COG5: variants seen among roughly 807,000 people sequenced by gnomAD.
COG5 encodes component of oligomeric golgi complex 5.
COG5 carries 86 observed loss-of-function variants against 110.4 expected under a neutral mutation model. The observed-to-expected ratio is 0.78, with a 90% confidence interval of 0.65 to 0.93. The LOEUF (loss-of-function observed/expected upper bound fraction) is 0.93. COG5 is among the 40% of genes least tolerant of loss of function. The probability of loss-of-function intolerance (pLI) is 0.00; values close to 1 mark genes in which losing one functional copy is unlikely to be tolerated. For synonymous variants in COG5, 360 were observed against 334.6 expected (o/e 1.08, Z -0.83); for missense variants, 1,077 against 987.0 (o/e 1.09, Z -1.22).
chr7:107,235,486 C>T (rs1197683029), intron 18 of COG5, among the ~76,000 whole-genome samples: 2 of 152,222 alleles, frequency 1.3e-5, no homozygotes, highest in African/African-American at 4.8e-5. Flanking sequence ...GGGTGGATCA[C>T]AAGGTCAGGA....
intron 10 of COG5, among the ~76,000 whole-genome samples, chr7:107,339,755 T>C (rs1811022194): frequency 6.6e-6 from 1 of 152,038 alleles, no homozygotes; most frequent in South Asian, 2.1e-4. Flanking sequence ...TTAAACAACA[T>C]GTCTCTGAAT....
intron 6 of COG5, among the ~76,000 whole-genome samples, chr7:107,501,403 G>T (rs1014523689): frequency 1.1e-4 from 16 of 151,992 alleles, no homozygotes; most frequent in Non-Finnish European, 8.8e-5. Flanking sequence ...CCAGCAAGGG[G>T]TGATAGCAAG....
chr7:107,541,523 A>AAAAAAAAAATATAT (rs60423657), intron 5 of COG5, among the ~76,000 whole-genome samples: 27 of 57,006 alleles, frequency 4.7e-4, no homozygotes, highest in Middle Eastern at 0.011. Flanking sequence ...AAAAAAAAAA[A>AAAAAAAAAATATAT]ATATATATAT....
intron 6 of COG5, among the ~76,000 whole-genome samples, chr7:107,481,674 C>T (rs1002070069): frequency 6.6e-6 from 1 of 152,100 alleles, no homozygotes; most frequent in Non-Finnish European, 1.5e-5. Flanking sequence ...ATCAAATTTA[C>T]ATACTCTGTA....
intron 11 of COG5, among the ~76,000 whole-genome samples, chr7:107,300,881 C>T (rs1201618918): frequency 6.6e-6 from 1 of 152,004 alleles, no homozygotes; most frequent in African/African-American, 2.4e-5. Context: ...TGTTGGAGTA[C>T]TAATACAACC....
chr7:107,230,102 C>T (rs1016538202), intron 19 of COG5, among the ~76,000 whole-genome samples: 1 of 152,034 alleles, frequency 6.6e-6, no homozygotes, highest in African/African-American at 2.4e-5. Flanking sequence ...CCACCTGCCT[C>T]GGCCTCCCAA....
intron 5 of COG5, among the ~76,000 whole-genome samples, chr7:107,530,575 T>G (rs1216152682): frequency 8.7e-6 from 1 of 114,690 alleles, no homozygotes. Context: ...CACTCCAGCC[T>G]GGGCAACAAG....
intron 6 of COG5, among the ~76,000 whole-genome samples, chr7:107,484,281 G>A (rs1367393505): frequency 2.0e-5 from 3 of 152,008 alleles, no homozygotes; most frequent in African/African-American, 7.2e-5. Flanking sequence ...AGAGCAAACA[G>A]CATGAAAAGA....
intron 6 of COG5, among the ~76,000 whole-genome samples, chr7:107,497,677 T>C (rs1798365454): frequency 6.6e-6 from 1 of 152,180 alleles, no homozygotes; most frequent in Non-Finnish European, 1.5e-5. Flanking sequence ...CTAATGTTCA[T>C]AGATTAGACA....
intron 6 of COG5, among the ~76,000 whole-genome samples, chr7:107,523,965 C>T (rs1800539804): frequency 6.6e-6 from 1 of 152,072 alleles, no homozygotes. Context: ...GGATATGTTC[C>T]TACAAAGACT....
At chr7:107,494,096 T>C (rs1044570424) in intron 6 of COG5, among the ~76,000 whole-genome samples, 1 of 152,148 alleles carries the variant, frequency 6.6e-6, no homozygotes, top group Non-Finnish European at 1.5e-5. Flanking sequence ...AAATTTTATA[T>C]ACATAAAATT....
chr7:107,483,835 A>C (rs2129122638), intron 6 of COG5, among the ~76,000 whole-genome samples: 1 of 152,120 alleles, frequency 6.6e-6, no homozygotes, highest in African/African-American at 2.4e-5. Context: ...AGGGTTTCCT[A>C]GAGTCTCATA....
At chr7:107,382,478 T>C (rs924683535) in intron 7 of COG5, among the ~76,000 whole-genome samples, 2 of 152,194 alleles carry the variant, frequency 1.3e-5, no homozygotes, top group African/African-American at 4.8e-5. Context: ...TCTTGTTACC[T>C]AGGCTGGAGT....
At chr7:107,385,805 C>CT (rs57758483) in intron 7 of COG5, among the ~76,000 whole-genome samples, 6,006 of 122,290 alleles carry the variant, frequency 0.049, 233 homozygotes, top group African/African-American at 0.11. Flanking sequence ...TTGTTATTTT[C>CT]TTTTTTTTTT....
At position 107,211,188 on chromosome 7, in the gene COG5, T is replaced by G; in HGVS notation, c.2206A>C (p.Ser736Arg). 6.2e-7 allele frequency: 1 copy of G among 1,614,102 alleles called. No individual in the cohort carries two copies. The highest frequency in any genetic ancestry group is 2.2e-5 in the East Asian group (1 of 44,892). The change falls in exon 20 of 22, where the codon AGT (serine) becomes CGT (arginine). Residue 736 changes from serine to arginine, a missense_variant. Coordinates refer to ENST00000297135, the MANE Select transcript of COG5 (RefSeq NM_006348.5). Reference protein sequence around the residue: ...LFQASEHVASSPALGDVIPFS... With the variant: ...LFQASEHVASRPALGDVIPFS... ...GGAATCACATCCCCCAATGCAGGAC[T>G]ACTGGCTACATGTTCACTTGCCTGG...
At position 107,231,547 on chromosome 7, in the gene COG5, T is replaced by A. The variant is rs562116442; in HGVS notation, c.2092-856A>T. 2.0e-5 allele frequency among the ~76,000 whole-genome samples: 3 copies of A among 152,324 alleles called. No individual in the cohort carries two copies. In the East Asian group the frequency reaches 5.8e-4, roughly 29 times the overall value. The stretch of plus-strand genomic sequence containing the variant: ...ATAGACTGCTTCTCCACTCTTGCTA[T>A]AAATAGCGCCCTGGTAAAGAATGGT... On this transcript the variant is annotated intron_variant, in intron 18 of 21. Coordinates refer to ENST00000297135, the MANE Select transcript of COG5 (RefSeq NM_006348.5).
At chr7:107,483,899 T>TC (rs1797497755) in intron 6 of COG5, among the ~76,000 whole-genome samples, 1 of 151,046 alleles carries the variant, frequency 6.6e-6, no homozygotes, top group Non-Finnish European at 1.5e-5. Flanking sequence ...CATTTTTTTT[T>TC]TTCCTAGAAC....
At chr7:107,204,391 G>T (rs1798593730) in intron 21 of COG5, among the ~76,000 whole-genome samples, 1 of 152,114 alleles carries the variant, frequency 6.6e-6, no homozygotes, top group Admixed American at 6.5e-5. Context: ...TTCTTTTACA[G>T]AAAAAGTTCG....
intron 6 of COG5, among the ~76,000 whole-genome samples, chr7:107,432,462 C>A (rs1794089610): frequency 6.6e-6 from 1 of 152,156 alleles, no homozygotes; most frequent in South Asian, 2.1e-4. Flanking sequence ...ACCTAATCCT[C>A]TGAGGACATG....
Sources: allele counts gnomAD v4.1 joint callset (sites outside exome capture counted in the v4.1 genomes callset), GRCh38; gene constraint gnomAD v4.1.1; transcripts MANE v1.5; gene names NCBI Gene and HGNC (gene_info 2026-07-23, HGNC 2026-07-21).